VPS13A: variants seen among roughly 807,000 people sequenced by gnomAD.
VPS13A encodes intermembrane lipid transfer protein VPS13A.
VPS13A carries 264 observed loss-of-function variants against 390.9 expected under a neutral mutation model. That is an observed-to-expected ratio of 0.68 (90% confidence interval 0.61 to 0.75). The LOEUF (loss-of-function observed/expected upper bound fraction) is 0.75, where lower values mean the gene tolerates loss of function less well. Among genes scored for constraint, VPS13A ranks in the 30% least tolerant of loss-of-function variants. VPS13A has a pLI of 0.00. For missense variants in VPS13A, 3,409 were observed against 3,733.9 expected (o/e 0.91, Z 2.27); for synonymous variants, 1,231 against 1,227.1 (o/e 1.00, Z -0.07).
At chr9:77,402,203 G>A (rs12350805) in intron 68 of VPS13A, among the ~76,000 whole-genome samples, 43,134 of 151,986 alleles carry the variant, frequency 0.28, 6,451 homozygotes, top group Middle Eastern at 0.36. Flanking sequence ...TTGAAGTTAG[G>A]AACTTCTTCC....
chr9:77,390,508 A>G (rs1833856894), intron 68 of VPS13A, among the ~76,000 whole-genome samples: 1 of 152,140 alleles, frequency 6.6e-6, no homozygotes, highest in African/African-American at 2.4e-5. Flanking sequence ...GTTATATAAA[A>G]ATAATTTTAG....
intron 45 of VPS13A, among the ~76,000 whole-genome samples, chr9:77,325,407 T>TTTTG (rs1554889585): frequency 1.3e-5 from 2 of 151,668 alleles, no homozygotes; most frequent in African/African-American, 4.8e-5. Flanking sequence ...CCTTGTTTTT[T>TTTTG]TTTTTTTTTT....
intron 50 of VPS13A, among the ~76,000 whole-genome samples, chr9:77,341,463 C>A (rs1235449666): frequency 6.6e-6 from 1 of 152,138 alleles, no homozygotes; most frequent in East Asian, 1.9e-4. Context: ...TCTTGAGGTG[C>A]TTTACCCCTA....
intron 68 of VPS13A, among the ~76,000 whole-genome samples, chr9:77,393,539 A>G (rs1833987027): frequency 6.6e-6 from 1 of 152,246 alleles, no homozygotes; most frequent in African/African-American, 2.4e-5. Context: ...TTCTTAAATA[A>G]TAAGACTTGA....
chr9:77,293,707 T>A (rs1006744739), intron 32 of VPS13A, among the ~76,000 whole-genome samples, 199 bp downstream of exon 32: 4 of 151,862 alleles, frequency 2.6e-5, no homozygotes, highest in African/African-American at 9.7e-5. Context: ...ATATTCTAAT[T>A]AATTGAAATA....
intron 41 of VPS13A, among the ~76,000 whole-genome samples, chr9:77,319,225 A>AAAGTTG (rs1282780937): frequency 6.6e-6 from 1 of 151,184 alleles, no homozygotes; most frequent in Non-Finnish European, 1.5e-5. Context: ...GAAAAGAGTT[A>AAAGTTG]AAGTTGAATA....
intron 68 of VPS13A, among the ~76,000 whole-genome samples, chr9:77,397,471 A>C (rs917343483): frequency 6.6e-6 from 1 of 152,130 alleles, no homozygotes; most frequent in Admixed American, 6.5e-5. Flanking sequence ...TGATTAACAC[A>C]TTCTTTGGTT....
At chr9:77,407,496 ATTATCTTT>A in intron 70 of VPS13A, 29 bp from the exon 71 acceptor site, 1 of 1,544,492 alleles carries the variant, frequency 6.5e-7, no homozygotes, top group Non-Finnish European at 8.9e-7. Flanking sequence ...TTACAACCAG[ATTATCTTT>A]TTAATGAATT....
Position 77,177,775 on chromosome 9 carries a change from C to T in VPS13A, c.71C>T (p.Thr24Met). ...FLGDYVVDLD[T>M]SQLSLGIWKG... is the part of the protein sequence containing the mutation. ...GGGGACTATGTGGTGGACTTGGACA[C>T]GTCCCAGCTCTCTCTGGGCATCTGG... The change falls in exon 1 of 72, where the codon ACG becomes ATG. Residue 24 changes from threonine to methionine, a missense_variant. Transcript: ENST00000360280. 2 of 1,613,562 alleles carry T rather than the reference C, an allele frequency of 1.2e-6. No individual in the cohort carries two copies.
At chr9:77,218,694 A>G (rs148149794) in intron 10 of VPS13A, among the ~76,000 whole-genome samples, 78 of 145,836 alleles carry the variant, frequency 5.3e-4, no homozygotes, top group African/African-American at 1.9e-3. Context: ...AATATTTTAC[A>G]TTTTGCAGGC....
chr9:77,409,196 G>T (rs968033663), intron 71 of VPS13A, among the ~76,000 whole-genome samples: 1 of 152,230 alleles, frequency 6.6e-6, no homozygotes, highest in Non-Finnish European at 1.5e-5. Context: ...GTCTGGAGTG[G>T]ACCTCCAGCA....
At chr9:77,392,983 C>T (rs1205720139) in intron 68 of VPS13A, among the ~76,000 whole-genome samples, 3 of 152,000 alleles carry the variant, frequency 2.0e-5, no homozygotes, top group African/African-American at 7.2e-5. Flanking sequence ...CTTCCTTTCA[C>T]GAAAGATTTA....
At chr9:77,196,694 G>A (rs1825024868) in intron 1 of VPS13A, among the ~76,000 whole-genome samples, 1 of 151,652 alleles carries the variant, frequency 6.6e-6, no homozygotes, top group African/African-American at 2.4e-5. Context: ...TTTAAATGGG[G>A]AATAGTATTT....
At chr9:77,225,582 T>C (rs899335725) in intron 13 of VPS13A, among the ~76,000 whole-genome samples, 2 of 150,456 alleles carry the variant, frequency 1.3e-5, no homozygotes, top group African/African-American at 2.5e-5. Flanking sequence ...GTAACTAATA[T>C]GTTTACCCTT....
chr9:77,341,691 C>CTT (rs57841628), intron 50 of VPS13A, among the ~76,000 whole-genome samples: 11 of 37,830 alleles, frequency 2.9e-4, no homozygotes, highest in Non-Finnish European at 3.7e-4. Flanking sequence ...GACATCTTTC[C>CTT]TTTTTTTTTT....
intron 71 of VPS13A, among the ~76,000 whole-genome samples, chr9:77,410,244 C>T (rs762007266): frequency 6.6e-6 from 1 of 152,062 alleles, no homozygotes; most frequent in South Asian, 2.1e-4. Context: ...AAGGCAAATG[C>T]TGAGAGATTT....
intron 10 of VPS13A, among the ~76,000 whole-genome samples, chr9:77,216,805 A>C (rs944078253): frequency 1.3e-5 from 2 of 152,208 alleles, no homozygotes; most frequent in African/African-American, 4.8e-5. Context: ...CTGAGTCCCA[A>C]AGCTGAAGAA....
In VPS13A at chr9:77,332,020, AT is replaced by A; in HGVS notation, c.6007del (p.Ser2003GlnfsTer26). The A allele has an allele frequency of 6.2e-7, 1 of 1,609,660 alleles. No individual in the cohort carries two copies. Among genetic ancestry groups the A allele is most frequent in the Non-Finnish European group, 8.5e-7 (1 of 1,176,548 alleles). ...GTTTTTCTTTCCCAGATAAGAAATC[AT>A]TTTTCAGTCCCACTGTCTGTTTACG... ...TIRSPVQIRN[H>X]FSVPLSVYEG... On this transcript the variant is annotated frameshift_variant, in exon 46 of 72. Coordinates refer to ENST00000360280, the MANE Select transcript of VPS13A (RefSeq NM_033305.3). LOFTEE classifies it high-confidence loss of function.
chr9:77,355,099 C>G (rs1780711208), intron 54 of VPS13A, among the ~76,000 whole-genome samples: 1 of 152,140 alleles, frequency 6.6e-6, no homozygotes, highest in African/African-American at 2.4e-5. Flanking sequence ...TCATTTCTTT[C>G]TTTGCATTTA....
Sources: gnomAD v4.1 joint callset for allele counts (sites outside exome capture counted in the v4.1 genomes callset) on GRCh38, gnomAD v4.1.1 for gene constraint, MANE v1.5 for transcripts, NCBI Gene and HGNC (gene_info 2026-07-23, HGNC 2026-07-21) for gene names.